METTL6: variants seen among roughly 807,000 people sequenced by gnomAD.
The protein encoded by METTL6 is tRNA N(3)-cytidine methyltransferase METTL6.
METTL6 carries 22 observed loss-of-function variants against 26.4 expected under a neutral mutation model. That is an observed-to-expected ratio of 0.83 (90% CI 0.59 to 1.19). METTL6 has a LOEUF of 1.19. METTL6 is among the 50% of genes most tolerant of loss of function. The pLI, the probability that METTL6 is intolerant of heterozygous loss-of-function variation, is 0.00. For missense variants in METTL6, 304 were observed against 324.8 expected, an observed-to-expected ratio of 0.94 and a Z score of 0.49; for synonymous variants, 109 against 116.2, an observed-to-expected ratio of 0.94 and a Z score of 0.40.
intron 6 of METTL6, among the ~76,000 whole-genome samples, chr3:15,386,330 C>T (rs1699190142): frequency 6.6e-6 from 1 of 152,152 alleles, no homozygotes; most frequent in Non-Finnish European, 1.5e-5. Flanking sequence ...TGCCTGCTTC[C>T]TTGGAGGACA....
intron 6 of METTL6, among the ~76,000 whole-genome samples, chr3:15,391,604 C>CAATAAAT (rs1559479074): frequency 6.6e-6 from 1 of 151,484 alleles, no homozygotes; most frequent in African/African-American, 2.4e-5. Context: ...CCCAATAACT[C>CAATAAAT]GTCATTTAAC....
At chr3:15,425,139 G>A in intron 2 of METTL6, 50 bp from the exon 3 acceptor site, 1 of 1,597,226 alleles carries the variant, frequency 6.3e-7, no homozygotes, top group Non-Finnish European at 8.5e-7. Context: ...GCATAATGAA[G>A]AAATAAACCA....
intron 6 of METTL6, among the ~76,000 whole-genome samples, chr3:15,400,081 T>C (rs950139859): frequency 6.6e-6 from 1 of 151,936 alleles, no homozygotes; most frequent in African/African-American, 2.4e-5. Flanking sequence ...AGATTGTGGG[T>C]CGACACGTCC....
chr3:15,397,247 A>G lies in METTL6; in HGVS notation c.*12-13060T>C, dbSNP rs183753053. ...TCGATCTCAGACTGCTGTGCTAGCA[A>G]TGAGCGAGGCTCCGTGGGCGTAGGA... On this transcript the variant is annotated intron_variant, in intron 6 of 6. Transcript: ENST00000443029. 5.3e-3 allele frequency among the ~76,000 whole-genome samples: 814 copies of G among 152,310 alleles called. 5 individuals carry two copies. Among genetic ancestry groups the G allele is most frequent in the African/African-American group, 0.019 (783 of 41,572 alleles).
intron 6 of METTL6, among the ~76,000 whole-genome samples, chr3:15,392,640 T>G (rs886946304): frequency 2.0e-5 from 3 of 152,242 alleles, no homozygotes; most frequent in Non-Finnish European, 4.4e-5. Context: ...GTCTAACATT[T>G]AAATCTTTAA....
In METTL6 at chr3:15,426,415, T is replaced by C; in HGVS notation, c.97A>G (p.Lys33Glu). The change falls in exon 2 of 6, where the codon AAA (lysine) becomes GAA (glutamate). Residue 33 changes from lysine (K) to glutamate (E), a missense_variant. By Grantham distance (56) the Lys-to-Glu change is moderately conservative. Coordinates refer to ENST00000383790, the MANE Select transcript of METTL6 (RefSeq NM_152396.4). ...KRDQTLVSDFKQQKLEQEAQK... is the reference protein window; with the variant it reads ...KRDQTLVSDFEQQKLEQEAQK... ...GCCTCTTGTTCCAATTTCTGCTGTTTAAAATCAGACACCAAAGTTTGGTCT... is the reference window on the plus strand; with the variant it reads ...GCCTCTTGTTCCAATTTCTGCTGTTCAAAATCAGACACCAAAGTTTGGTCT... 6.2e-7 allele frequency: 1 copy of C among 1,614,240 alleles called. No individual in the cohort carries two copies. The highest frequency in any genetic ancestry group is 8.5e-7 in the Non-Finnish European group (1 of 1,180,038).
At chr3:15,404,509 AT>A (rs34073251) in intron 6 of METTL6, among the ~76,000 whole-genome samples, 40,407 of 133,174 alleles carry the variant, frequency 0.3, 6,304 homozygotes, top group South Asian at 0.43. Flanking sequence ...TGCCCAGCTA[AT>A]TTTTTTTTTT....
intron 4 of METTL6, 148 bp downstream of exon 4, chr3:15,415,624 G>T (rs1449496108): frequency 2.5e-6 from 4 of 1,609,280 alleles, no homozygotes; most frequent in Non-Finnish European, 3.4e-6. Context: ...TTATGCCAGA[G>T]GACCCCTTTC....
intron 5 of METTL6, 74 bp from the exon 6 acceptor site, chr3:15,411,511 T>C (rs1011078781): frequency 8.5e-6 from 12 of 1,410,994 alleles, no homozygotes; most frequent in African/African-American, 1.5e-5. Flanking sequence ...TGAGGAGGGA[T>C]AGAGGGCTGA....
chr3:15,415,594 C>G (rs571041343), intron 4 of METTL6, 178 bp downstream of exon 4: 2 of 1,607,596 alleles, frequency 1.2e-6, no homozygotes, highest in Non-Finnish European at 1.7e-6. Flanking sequence ...CTGCACAAAT[C>G]AGAATTTAGG....
At chr3:15,415,453 G>A (rs749446713) in intron 4 of METTL6, 1 of 1,538,548 alleles carries the variant, frequency 6.5e-7, no homozygotes, top group Non-Finnish European at 8.8e-7. Flanking sequence ...CACCACACCT[G>A]GCCAAACTGT....
At chr3:15,402,095 G>C (rs912055232) in intron 6 of METTL6, among the ~76,000 whole-genome samples, 4 of 152,134 alleles carry the variant, frequency 2.6e-5, no homozygotes, top group African/African-American at 9.7e-5. Flanking sequence ...TTGCTGCCCA[G>C]ATAGAGCCAG....
At chr3:15,395,312 G>A (rs1699457251) in intron 6 of METTL6, among the ~76,000 whole-genome samples, 1 of 152,118 alleles carries the variant, frequency 6.6e-6, no homozygotes, top group Non-Finnish European at 1.5e-5. Flanking sequence ...TCAGAGACTA[G>A]GATTGCAACC....
At chr3:15,422,060 G>C (rs1000531754) in intron 3 of METTL6, among the ~76,000 whole-genome samples, 1 of 152,182 alleles carries the variant, frequency 6.6e-6, no homozygotes, top group Non-Finnish European at 1.5e-5. Context: ...GGGAGGCAGA[G>C]GTGGGAGTTA....
At chr3:15,402,834 G>A (rs1372071329) in intron 6 of METTL6, among the ~76,000 whole-genome samples, 3 of 151,666 alleles carry the variant, frequency 2.0e-5, no homozygotes, top group Non-Finnish European at 4.4e-5. Flanking sequence ...TGATGTTATT[G>A]CAGGAGTAAT....
chr3:15,408,021 G>T (rs1278406251), downstream of METTL6, among the ~76,000 whole-genome samples: 1 of 152,118 alleles, frequency 6.6e-6, no homozygotes, highest in Admixed American at 6.6e-5. Context: ...CAGTTTGTGT[G>T]GATAAGATTA....
intron 6 of METTL6, among the ~76,000 whole-genome samples, chr3:15,397,752 A>T (rs1699531890): frequency 6.6e-6 from 1 of 152,186 alleles, no homozygotes; most frequent in South Asian, 2.1e-4. Flanking sequence ...TAGGGGGCAG[A>T]GAGGAGCCTG....
chr3:15,415,527 A>G (rs1700164283), intron 4 of METTL6: 1 of 1,597,046 alleles, frequency 6.3e-7, no homozygotes, highest in Admixed American at 1.7e-5. Context: ...GATCCCAGGT[A>G]ACTGCAAAAT....
intron 2 of METTL6, 44 bp downstream of exon 2, chr3:15,426,243 T>G: frequency 1.9e-6 from 3 of 1,584,444 alleles, no homozygotes; most frequent in Non-Finnish European, 2.6e-6. Flanking sequence ...CCTCTTCACA[T>G]TTTAAATGAA....
Sources: allele counts gnomAD v4.1 joint callset (sites outside exome capture counted in the v4.1 genomes callset), GRCh38; gene constraint gnomAD v4.1.1; transcripts MANE v1.5; gene names NCBI Gene and HGNC (gene_info 2026-07-23, HGNC 2026-07-21).